PPP1R18: variants seen among roughly 807,000 people sequenced by gnomAD.
PPP1R18 encodes protein phosphatase 1 regulatory subunit 18, also known as phostensin.
In PPP1R18, 31 loss-of-function variants were observed where a neutral mutation model predicts 54.8. The ratio of observed to expected loss-of-function variants is 0.57; its 90% confidence interval spans 0.43 to 0.76. The LOEUF (loss-of-function observed/expected upper bound fraction) is 0.76. Ranked by LOEUF, PPP1R18 falls within the 30% of genes least tolerant of loss-of-function variation. The pLI is 0.00. For missense variants in PPP1R18, 685 were observed against 776.1 expected (o/e 0.88, Z 1.39); for synonymous variants, 310 against 320.2 (o/e 0.97, Z 0.34).
At chr6:30,677,893 C>T (rs1454488937) in intron 2 of PPP1R18, among the ~76,000 whole-genome samples, 1 of 151,858 alleles carries the variant, frequency 6.6e-6, no homozygotes, top group Admixed American at 6.6e-5. Context: ...ATATTTTCTA[C>T]AAGTCTAGGA....
At position 30,684,952 on chromosome 6, in the gene PPP1R18, G is replaced by A. The variant is rs2213944; in HGVS notation, c.1067C>T (p.Pro356Leu). 7.1e-3 allele frequency: 11,499 copies of A among 1,613,130 alleles called. 59 individuals carry two copies. Among genetic ancestry groups the A allele is most frequent in the Admixed American group, 9.7e-3 (584 of 60,024 alleles). ...CTTCTCTGCTGACTCTGGAGGTTCT[G>A]GTTTCTGAGTTTGAGCCTCTATGTC... is the stretch of plus-strand genomic sequence containing the variant. ...PRDIEAQTQK[P>L]EPPESAEKLL... Residue 356 changes from proline (P) to leucine (L), a missense_variant, in exon 1 of 3, where the codon CCA becomes CTA. Transcript: ENST00000274853. This position sits in a 1 kb window ranked among gnomAD's most constrained non-coding sequence, Gnocchi z 6.0.
chr6:30,677,403 C>T, intron 2 of PPP1R18, 115 bp from the exon 3 acceptor site: 2 of 789,716 alleles, frequency 2.5e-6, no homozygotes, highest in East Asian at 2.7e-5. Flanking sequence ...CCTATAATAT[C>T]TTCCATATCT....
Position 30,684,667 on chromosome 6 carries a change from C to T in PPP1R18, c.1352G>A (p.Arg451His), listed in dbSNP as rs774180666. Residue 451 changes from arginine to histidine, a missense_variant, in exon 1 of 3, where the codon CGC (arginine) becomes CAC (histidine). Coordinates refer to ENST00000274853, the MANE Select transcript of PPP1R18 (RefSeq NM_133471.4). The surrounding 1 kb of genome is among the most constrained non-coding windows in gnomAD (Gnocchi z 6.0). ...PQPPGDPLMS[R>H]LFYGVKAGPG... ...CCCTGCCTTCACCCCATAGAACAGG[C>T]GGCTCATGAGGGGATCCCCAGGAGG... The T allele has an allele frequency of 1.0e-5, 15 of 1,484,884 alleles. No homozygotes were observed. Among genetic ancestry groups the T allele is most frequent in the South Asian group, 5.3e-5 (4 of 74,960 alleles). 92.0% of individuals were successfully genotyped at this position (1,484,884 alleles called of 1,614,324 possible). A position where few individuals can be genotyped will look rare whatever the true frequency, so the allele number is the denominator to read the frequency against.
At chr6:30,688,109 C>T (rs118011042), upstream of PPP1R18, 584 of 155,406 alleles carry the variant, frequency 3.8e-3, 16 homozygotes, top group South Asian at 0.038. The surrounding 1 kb of genome is among the most constrained non-coding windows in gnomAD (Gnocchi z 5.9). Flanking sequence ...AGCAGGGAGC[C>T]CCAAGTCATC....
chr6:30,680,317 G>A (rs116614372), intron 1 of PPP1R18, among the ~76,000 whole-genome samples: 1 of 152,134 alleles, frequency 6.6e-6, no homozygotes. Flanking sequence ...GAAGGGGCAG[G>A]GTGGGATTAA....
intron 1 of PPP1R18, among the ~76,000 whole-genome samples, chr6:30,682,190 C>A (rs1212042666): frequency 6.6e-6 from 1 of 152,138 alleles, no homozygotes; most frequent in African/African-American, 2.4e-5. Flanking sequence ...CCACCAACTT[C>A]TGACTGGGCT....
At chr6:30,682,616 C>G (rs1770611620) in intron 1 of PPP1R18, among the ~76,000 whole-genome samples, 1 of 151,954 alleles carries the variant, frequency 6.6e-6, no homozygotes, top group South Asian at 2.1e-4. Flanking sequence ...TCCCCACCCC[C>G]ACCCAAGCAG....
chr6:30,681,276 CT>C (rs998444018), intron 1 of PPP1R18, among the ~76,000 whole-genome samples: 1 of 151,884 alleles, frequency 6.6e-6, no homozygotes, highest in African/African-American at 2.4e-5. Context: ...GCTATTCCTT[CT>C]GCCTGGAACA....
chr6:30,680,362 A>C (rs1770473226), intron 1 of PPP1R18, among the ~76,000 whole-genome samples: 1 of 152,186 alleles, frequency 6.6e-6, no homozygotes, highest in African/African-American at 2.4e-5. Flanking sequence ...AGACAGCAGG[A>C]GGATTCCATA....
Position 30,685,337 on chromosome 6 carries a change from A to G in PPP1R18, c.682T>C (p.Ser228Pro), listed in dbSNP as rs1410620751. The change falls in exon 1 of 3, where the codon TCT (serine) becomes CCT (proline). Residue 228 changes from serine to proline, a missense_variant. By Grantham distance (74) the Ser-to-Pro change is moderately conservative. Coordinates refer to ENST00000274853, the MANE Select transcript of PPP1R18 (RefSeq NM_133471.4). The surrounding 1 kb of genome is among the most constrained non-coding windows in gnomAD (Gnocchi z 5.0). ...EVESRLSPGE[S>P]AYQKLGLTEA... The stretch of plus-strand genomic sequence containing the variant: ...GTCAGGCCCAACTTCTGGTAGGCAG[A>G]TTCCCCTGGGCTCAGTCTACTTTCC... The G allele has an allele frequency of 3.1e-6, 5 of 1,612,918 alleles. No homozygotes were observed. The highest frequency in any genetic ancestry group is 4.5e-5 in the East Asian group (2 of 44,894).
intron 1 of PPP1R18, among the ~76,000 whole-genome samples, chr6:30,682,190 C>T: frequency 6.6e-6 from 1 of 152,138 alleles, no homozygotes; most frequent in East Asian, 1.9e-4. Flanking sequence ...CCACCAACTT[C>T]TGACTGGGCT....
At chr6:30,679,095 T>G in intron 2 of PPP1R18, 84 bp downstream of exon 2, 1 of 1,201,968 alleles carries the variant, frequency 8.3e-7, no homozygotes, top group Non-Finnish European at 1.2e-6. Context: ...AGTGCCTACA[T>G]GTAATCCTCC....
At position 30,677,335 on chromosome 6, in the gene PPP1R18, G is replaced by C. The variant is rs1770254609; in HGVS notation, c.1823-47C>G. ...TGTTAGAGAATGAGTGAGAGCCTCT[G>C]CCTTCTGCCCACCCTTCCCCCCCAC... is the stretch of plus-strand genomic sequence containing the variant. On this transcript the variant is annotated intron_variant, in intron 2 of 2. Transcript: ENST00000274853. 4 of 1,530,582 alleles carry C rather than the reference G, an allele frequency of 2.6e-6. No homozygotes were observed. The East Asian group carries it at 9.6e-5, about 37-fold the overall frequency. 94.8% of individuals were successfully genotyped at this position (1,530,582 alleles called of 1,614,324 possible).
chr6:30,678,696 C>G (rs1770348874), intron 2 of PPP1R18, among the ~76,000 whole-genome samples: 1 of 152,006 alleles, frequency 6.6e-6, no homozygotes, highest in African/African-American at 2.4e-5. Context: ...GATAATTTTT[C>G]AATTTTTTTG....
rs781447050 is a variant in PPP1R18, at chr6:30,685,945, C to G, written c.74G>C (p.Arg25Pro). 1 of 1,605,834 alleles carries G rather than the reference C, an allele frequency of 6.2e-7. No individual in the cohort carries two copies. Among genetic ancestry groups the G allele is most frequent in the South Asian group, 1.1e-5 (1 of 91,014 alleles). ...RRQEEASVRGREKAERERLSQ... is the reference protein window; with the variant it reads ...RRQEEASVRGPEKAERERLSQ... ...CAGGCGCTCCCGTTCTGCTTTCTCT[C>G]GGCCTCGAACGGACGCCTCCTCCTG... Residue 25 changes from arginine to proline, a missense_variant, in exon 1 of 3, where the codon CGA (arginine) becomes CCA (proline). Coordinates refer to ENST00000274853, the MANE Select transcript of PPP1R18 (RefSeq NM_133471.4). The surrounding 1 kb of genome is among the most constrained non-coding windows in gnomAD (Gnocchi z 5.0).
intron 1 of PPP1R18, 137 bp from the exon 2 acceptor site, chr6:30,679,526 G>A (rs1273210989): frequency 4.0e-6 from 2 of 497,590 alleles, no homozygotes; most frequent in Admixed American, 3.9e-5. Context: ...GTGGGGGTGG[G>A]GGCTGGACTC....
At chr6:30,681,441 C>A (rs1326680226) in intron 1 of PPP1R18, among the ~76,000 whole-genome samples, 4 of 151,898 alleles carry the variant, frequency 2.6e-5, no homozygotes, top group Non-Finnish European at 5.9e-5. Flanking sequence ...AGATAATTTA[C>A]TAATATATTA....
upstream of PPP1R18, chr6:30,686,719 C>A (rs928388983): frequency 6.6e-6 from 1 of 152,122 alleles, no homozygotes; most frequent in African/African-American, 2.4e-5. Flanking sequence ...CCCCTCTGCC[C>A]CGCACTCCGC....
chr6:30,677,327 G>C (rs761156115), intron 2 of PPP1R18, 39 bp from the exon 3 acceptor site: 5 of 1,556,932 alleles, frequency 3.2e-6, no homozygotes, highest in Admixed American at 4.1e-5. Context: ...GAATGAGTGA[G>C]AGCCTCTGCC....
Sources: gnomAD v4.1 joint callset for allele counts (sites outside exome capture counted in the v4.1 genomes callset) on GRCh38, gnomAD v4.1.1 for gene constraint, Gnocchi (gnomAD v3.1) non-coding constraint, MANE v1.5 for transcripts, NCBI Gene and HGNC (gene_info 2026-07-23, HGNC 2026-07-21) for gene names.